Variants in PHLDB2 observed in about 807,000 individuals in gnomAD.
PHLDB2 encodes pleckstrin homology like domain family B member 2, also known as pleckstrin homology-like domain family B member 2.
In PHLDB2, 71 loss-of-function variants were observed where a neutral mutation model predicts 123.6. The observed-to-expected ratio is 0.57, with a 90% CI of 0.47 to 0.70. PHLDB2 has a LOEUF of 0.70. Ranked by LOEUF, PHLDB2 falls within the 30% of genes least tolerant of loss-of-function variation. PHLDB2 has a pLI of 0.00. For missense variants in PHLDB2, 1,446 were observed against 1,519.5 expected, an observed-to-expected ratio of 0.95 and a Z score of 0.80; for synonymous variants, 547 against 541.6, an observed-to-expected ratio of 1.01 and a Z score of -0.14.
intron 6 of PHLDB2, among the ~76,000 whole-genome samples, chr3:111,934,619 T>C (rs2069355393): frequency 6.6e-6 from 1 of 152,220 alleles, no homozygotes; most frequent in Admixed American, 6.5e-5. Context: ...AAACATGATG[T>C]TAGAGTCTGA....
intron 1 of PHLDB2, among the ~76,000 whole-genome samples, chr3:111,836,684 G>A (rs879294576): frequency 6.6e-5 from 10 of 152,174 alleles, no homozygotes; most frequent in Non-Finnish European, 1.5e-4. Context: ...ACATGGCTGA[G>A]GAGGCCTCAG....
At chr3:111,794,225 A>T (rs2061049775) in intron 1 of PHLDB2, among the ~76,000 whole-genome samples, 1 of 151,068 alleles carries the variant, frequency 6.6e-6, no homozygotes, top group South Asian at 2.1e-4. Context: ...TGCTCCCTCC[A>T]TGGACACTTG....
rs76565946 is a variant in PHLDB2, at chr3:111,774,742, G to C, written c.-49+42039G>C. Among the ~76,000 whole-genome samples the C allele has an allele frequency of 4.5e-3, 678 of 152,270 alleles. 5 individuals carry two copies. The highest frequency in any genetic ancestry group is 0.016 in the African/African-American group (648 of 41,552). On this transcript the variant is annotated intron_variant, in intron 1 of 17. Transcript: ENST00000393923. ...CAATTTACTAGGCCCCAAATTCGTG[G>C]TGTTTTTAATTTAAACAGAGGGTTG...
At chr3:111,913,177 A>G in intron 2 of PHLDB2, 142 bp from the exon 3 acceptor site, 1 of 984,668 alleles carries the variant, frequency 1.0e-6, no homozygotes, top group Non-Finnish European at 1.5e-6. Context: ...GTCAAAGATT[A>G]TGAAAATCAT....
intron 2 of PHLDB2, among the ~76,000 whole-genome samples, chr3:111,902,082 G>C (rs1054722304): frequency 6.6e-6 from 1 of 152,012 alleles, no homozygotes; most frequent in Admixed American, 6.6e-5. Flanking sequence ...CCCATCTGCT[G>C]GTTGATTTTA....
intron 1 of PHLDB2, among the ~76,000 whole-genome samples, chr3:111,752,252 G>GTGTGTGTC (rs138387326): frequency 6.9e-6 from 1 of 144,192 alleles, no homozygotes; most frequent in African/African-American, 2.5e-5. Flanking sequence ...CTGTGTCTGT[G>GTGTGTGTC]TGTGTGTGTG....
intron 1 of PHLDB2, among the ~76,000 whole-genome samples, chr3:111,874,223 A>G (rs557399761): frequency 3.3e-5 from 5 of 151,638 alleles, no homozygotes; most frequent in Non-Finnish European, 5.9e-5. Flanking sequence ...TTATACTGCA[A>G]CCTCCTCAAA....
intron 1 of PHLDB2, among the ~76,000 whole-genome samples, chr3:111,736,373 A>G (rs2059507850): frequency 6.6e-6 from 1 of 152,214 alleles, no homozygotes; most frequent in African/African-American, 2.4e-5. Context: ...TAAATTTTTC[A>G]AAACTGTCCA....
At chr3:111,867,709 T>G (rs564501768) in intron 1 of PHLDB2, among the ~76,000 whole-genome samples, 1 of 152,258 alleles carries the variant, frequency 6.6e-6, no homozygotes, top group African/African-American at 2.4e-5. Flanking sequence ...AATTTTAATT[T>G]TTATTTTTTT....
chr3:111,756,015 G>C (rs532700317), intron 1 of PHLDB2, among the ~76,000 whole-genome samples: 2 of 152,162 alleles, frequency 1.3e-5, no homozygotes, highest in South Asian at 4.2e-4. Flanking sequence ...TGGTCTGAGA[G>C]ACAGTTTGTT....
At chr3:111,872,276 G>A (rs1279743101) in intron 1 of PHLDB2, among the ~76,000 whole-genome samples, 1 of 152,170 alleles carries the variant, frequency 6.6e-6, no homozygotes, top group Non-Finnish European at 1.5e-5. Flanking sequence ...TAGTTTCACT[G>A]GGACCTCTTT....
rs200179934 is a variant in PHLDB2 at position 111,945,293 on chromosome 3, A to G, written c.2423A>G (p.Glu808Gly). 2.9e-5 allele frequency: 47 copies of G among 1,610,604 alleles called. No individual in the cohort carries two copies. The highest frequency in any genetic ancestry group is 3.7e-5 in the Non-Finnish European group (44 of 1,177,492). The change falls in exon 9 of 18, where the codon GAA becomes GGA. Residue 808 changes from glutamate to glycine, a missense_variant. Physicochemically the swap from Glu to Gly is moderately conservative, Grantham distance 98. Around this residue, in one of 3 missense-constraint regions of PHLDB2, gnomAD observed 594 missense variants for 646.0 expected, o/e 0.92. Transcript: ENST00000431670. ...GAAAAGGAGAATCTTTGTAATTTGG[A>G]AAAGAAATACTCCAGCCTCTCTGGG... is the stretch of plus-strand genomic sequence containing the variant. ...QREKENLCNL[E>G]KKYSSLSGGK... is the part of the protein sequence containing the mutation.
At chr3:111,805,846 CAAA>C (rs10585193) in intron 1 of PHLDB2, among the ~76,000 whole-genome samples, 12 of 93,168 alleles carry the variant, frequency 1.3e-4, no homozygotes, top group African/African-American at 1.2e-4. Flanking sequence ...TAGATGTATG[CAAA>C]AAAAAAAAAA....
At chr3:111,949,594 C>T (rs1229695729) in intron 10 of PHLDB2, 3 of 600,346 alleles carry the variant, frequency 5.0e-6, no homozygotes, top group Non-Finnish European at 4.2e-6. Flanking sequence ...TCAATTGTAA[C>T]TTCTTAATTA....
At chr3:111,965,964 C>T (rs1444849138) in intron 13 of PHLDB2, among the ~76,000 whole-genome samples, 1 of 152,166 alleles carries the variant, frequency 6.6e-6, no homozygotes, top group Non-Finnish European at 1.5e-5. Context: ...TCTTAAATCT[C>T]TTTATACAGT....
rs16858738 is a variant in PHLDB2, at chr3:111,864,767, T to C, written c.-15+5191T>C. On this transcript the variant is annotated intron_variant, in intron 1 of 17. Coordinates refer to ENST00000431670, the MANE Select transcript of PHLDB2 (RefSeq NM_001134438.2). ...AGTGTGTTAGGTTGATTTTATTAGA[T>C]GAAGTGCTTTTCCTTACTTTACAAA... is the stretch of plus-strand genomic sequence containing the variant. Among the ~76,000 whole-genome samples the C allele has an allele frequency of 8.0e-3, 1,225 of 152,352 alleles. 6 individuals carry two copies. The highest frequency in any genetic ancestry group is 0.02 in the Middle Eastern group (6 of 294).
chr3:111,921,694 C>T (rs1389884269), intron 5 of PHLDB2, among the ~76,000 whole-genome samples: 2 of 151,042 alleles, frequency 1.3e-5, no homozygotes, highest in South Asian at 2.1e-4. Flanking sequence ...AGCTCCGCCT[C>T]GCAGGTTCAG....
At chr3:111,759,796 G>A (rs796200248) in intron 1 of PHLDB2, among the ~76,000 whole-genome samples, 4 of 152,320 alleles carry the variant, frequency 2.6e-5, no homozygotes, top group African/African-American at 9.6e-5. Flanking sequence ...AAGAGATGAC[G>A]TCAGATTTTG....
chr3:111,900,929 T>C (rs539617197), intron 2 of PHLDB2, among the ~76,000 whole-genome samples: 1 of 151,860 alleles, frequency 6.6e-6, no homozygotes, highest in Non-Finnish European at 1.5e-5. Flanking sequence ...AGAAATGGGG[T>C]CTCTCTATGT....
Sources: gnomAD v4.1 joint callset for allele counts (sites outside exome capture counted in the v4.1 genomes callset) on GRCh38, gnomAD v4.1.1 for gene constraint, gnomAD v4.1.1 regional missense constraint, MANE v1.5 for transcripts, NCBI Gene and HGNC (gene_info 2026-07-23, HGNC 2026-07-21) for gene names.